The following GALNT13 variants were observed in gnomAD, a reference collection of about 807,000 sequenced individuals.
GALNT13 encodes the protein UDP-GalNAc:polypeptide N-acetylgalactosaminyltransferase 13.
A neutral mutation model predicts 64.2 loss-of-function variants in GALNT13; 28 were observed. The observed-to-expected ratio is 0.44, with a 90% confidence interval of 0.32 to 0.60. The LOEUF is 0.60. GALNT13 is among the 20% of genes least tolerant of loss of function. The pLI is 0.05. For missense variants in GALNT13, 577 were observed against 669.8 expected (o/e 0.86, Z 1.53); for synonymous variants, 214 against 224.6 (o/e 0.95, Z 0.42).
At chr2:153,134,281 T>C in the GALNT13 span, among the ~76,000 whole-genome samples, 2 of 152,296 alleles carry the variant, frequency 1.3e-5, no homozygotes, top group East Asian at 3.9e-4. Flanking sequence ...TTTTTTCCCC[T>C]GCCTGAAGAT....
At chr2:153,496,401 C>T in the GALNT13 span, among the ~76,000 whole-genome samples, 1 of 152,050 alleles carries the variant, frequency 6.6e-6, no homozygotes, top group African/African-American at 2.4e-5. Context: ...TTTGTTTCAG[C>T]TAAATAATTG....
At chr2:153,810,589 G>A in the GALNT13 span, among the ~76,000 whole-genome samples, 1 of 152,094 alleles carries the variant, frequency 6.6e-6, no homozygotes, top group Non-Finnish European at 1.5e-5. Flanking sequence ...AATAAAGCTG[G>A]GGAGAGAGAA....
chr2:154,448,662 ATTAT>A (rs1490252434), intron 12 of GALNT13, among the ~76,000 whole-genome samples: 1 of 152,028 alleles, frequency 6.6e-6, no homozygotes, highest in Non-Finnish European at 1.5e-5. Context: ...TTTTAAAATT[ATTAT>A]TTGTGCAGTT....
chr2:153,492,400 A>G, the GALNT13 span, among the ~76,000 whole-genome samples: 1 of 152,216 alleles, frequency 6.6e-6, no homozygotes, highest in Non-Finnish European at 1.5e-5. Context: ...TACTAATCCA[A>G]AAGTTTAGCA....
At chr2:154,001,165 ATCTT>A (rs1447473212) in intron 3 of GALNT13, among the ~76,000 whole-genome samples, 1 of 151,654 alleles carries the variant, frequency 6.6e-6, no homozygotes, top group Non-Finnish European at 1.5e-5. Flanking sequence ...TTCAGTTTCT[ATCTT>A]TGTGCATCTT....
chr2:153,977,781 A>G (rs535626383), intron 3 of GALNT13, among the ~76,000 whole-genome samples: 6 of 152,180 alleles, frequency 3.9e-5, no homozygotes, highest in Admixed American at 2.0e-4. Context: ...TATTCATATG[A>G]CCATTCAAAT....
At chr2:154,269,217 T>A (rs1022229690) in intron 8 of GALNT13, among the ~76,000 whole-genome samples, 4 of 152,074 alleles carry the variant, frequency 2.6e-5, no homozygotes, top group South Asian at 2.1e-4. Flanking sequence ...CCAGACTTTT[T>A]AAAAATACTT....
chr2:154,158,328 T>G (rs936507658), intron 4 of GALNT13, among the ~76,000 whole-genome samples: 1 of 152,148 alleles, frequency 6.6e-6, no homozygotes, highest in African/African-American at 2.4e-5. Flanking sequence ...GCACCATCTC[T>G]TTCTCTTACT....
chr2:153,553,244 A>C, the GALNT13 span, among the ~76,000 whole-genome samples: 1 of 130,992 alleles, frequency 7.6e-6, no homozygotes, highest in African/African-American at 3.5e-5. Context: ...CACATGTGTA[A>C]TCCCAGTCCT....
At chr2:154,099,249 A>G (rs1252474214) in intron 3 of GALNT13, among the ~76,000 whole-genome samples, 1 of 152,044 alleles carries the variant, frequency 6.6e-6, no homozygotes, top group Non-Finnish European at 1.5e-5. Context: ...TTCTTTGCCT[A>G]CTTGTTAACG....
At chr2:154,151,511 T>A (rs1684022735) in intron 4 of GALNT13, among the ~76,000 whole-genome samples, 1 of 152,150 alleles carries the variant, frequency 6.6e-6, no homozygotes, top group African/African-American at 2.4e-5. Flanking sequence ...CGTTGATCTG[T>A]CTAATGTTGA....
chr2:153,434,014 G>A, the GALNT13 span, among the ~76,000 whole-genome samples: 63 of 152,100 alleles, frequency 4.1e-4, no homozygotes, highest in Non-Finnish European at 6.8e-4. Flanking sequence ...GGTGTGTGAT[G>A]TTCCCCTTGT....
chr2:153,832,739 A>G, the GALNT13 span, among the ~76,000 whole-genome samples: 7 of 152,228 alleles, frequency 4.6e-5, no homozygotes, highest in African/African-American at 1.7e-4. Context: ...GTACCTAGTT[A>G]TGTTTTTCTT....
intron 9 of GALNT13, among the ~76,000 whole-genome samples, chr2:154,387,591 G>A (rs1325216746): frequency 6.6e-6 from 1 of 152,098 alleles, no homozygotes; most frequent in Non-Finnish European, 1.5e-5. Flanking sequence ...CCTCATGCCT[G>A]TAGCCTGTGG....
chr2:153,923,414 T>C (rs1689889657), intron 2 of GALNT13, among the ~76,000 whole-genome samples: 1 of 152,212 alleles, frequency 6.6e-6, no homozygotes, highest in African/African-American at 2.4e-5. Context: ...TTATTAGTTA[T>C]GTACTTTTTT....
chr2:153,611,679 CTTTTTTTTTTTT>C, the GALNT13 span, among the ~76,000 whole-genome samples: 28 of 104,394 alleles, frequency 2.7e-4, no homozygotes, highest in African/African-American at 9.0e-4. Flanking sequence ...ACATTTTTAC[CTTTTTTTTTTTT>C]TTTTTTTTTT....
chr2:153,810,615 A>G, the GALNT13 span, among the ~76,000 whole-genome samples: 2 of 152,190 alleles, frequency 1.3e-5, no homozygotes, highest in African/African-American at 4.8e-5. Context: ...GAATAAAGAG[A>G]TAAAGGAGCT....
intron 10 of GALNT13, among the ~76,000 whole-genome samples, chr2:154,397,369 G>T (rs1486606507): frequency 1.3e-5 from 2 of 152,134 alleles, no homozygotes; most frequent in African/African-American, 4.8e-5. Context: ...CACCCAGGAG[G>T]TGGAGCTTGC....
chr2:153,594,820 C>T, the GALNT13 span, among the ~76,000 whole-genome samples: 3 of 151,986 alleles, frequency 2.0e-5, no homozygotes, highest in Non-Finnish European at 2.9e-5. Flanking sequence ...TTTTGCTAAT[C>T]GCTTCTGCCG....
Sources: gnomAD v4.1 joint callset for allele counts (sites outside exome capture counted in the v4.1 genomes callset) on GRCh38, gnomAD v4.1.1 for gene constraint, MANE v1.5 for transcripts, NCBI Gene and HGNC (gene_info 2026-07-23, HGNC 2026-07-21) for gene names.